The following IQCK variants were observed in gnomAD, a reference collection of about 807,000 sequenced individuals.
The protein encoded by IQCK is IQ motif containing K, also known as IQ domain-containing protein K.
IQCK carries 29 observed loss-of-function variants against 28.1 expected under a neutral mutation model. The ratio of observed to expected loss-of-function variants is 1.03; its 90% CI spans 0.77 to 1.41. The LOEUF is 1.41. IQCK is among the 40% of genes most tolerant of loss of function. The pLI is 0.00. For synonymous variants in IQCK, 113 were observed against 115.1 expected (o/e 0.98, Z 0.12); for missense variants, 359 against 314.7 (o/e 1.14, Z -1.07).
chr16:19,848,909 A>G (rs1447082930), intron 9 of IQCK, among the ~76,000 whole-genome samples: 2 of 152,118 alleles, frequency 1.3e-5, no homozygotes, highest in Non-Finnish European at 2.9e-5. Flanking sequence ...ACATTTCATA[A>G]TTATTTCTGT....
intron 6 of IQCK, among the ~76,000 whole-genome samples, chr16:19,776,143 A>G (rs984394699): frequency 6.6e-6 from 1 of 152,094 alleles, no homozygotes; most frequent in Non-Finnish European, 1.5e-5. Flanking sequence ...GGCCTCCCAA[A>G]GTGCTGGGAT....
At chr16:19,814,490 C>T (rs2055956517) in intron 7 of IQCK, among the ~76,000 whole-genome samples, 2 of 151,936 alleles carry the variant, frequency 1.3e-5, no homozygotes. Flanking sequence ...CAACAGAAAG[C>T]AGGATAGAAA....
intron 6 of IQCK, among the ~76,000 whole-genome samples, chr16:19,766,416 G>T (rs1567548998): frequency 6.6e-6 from 1 of 152,228 alleles, no homozygotes; most frequent in African/African-American, 2.4e-5. Context: ...CCCAGCTGGG[G>T]CAGCGGCCAA....
At chr16:19,852,254 G>A (rs922189941) in intron 9 of IQCK, among the ~76,000 whole-genome samples, 9 of 152,012 alleles carry the variant, frequency 5.9e-5, no homozygotes, top group East Asian at 5.8e-4. Context: ...TGAAATATGC[G>A]TACAACAGTG....
In IQCK at chr16:19,730,719, A is replaced by ATCTG. The variant is rs1293174151; in HGVS notation, c.246+228_246+229insGTCT. Among the ~76,000 whole-genome samples, 464 of 148,402 alleles carry ATCTG rather than the reference A, an allele frequency of 3.1e-3. 2 individuals carry two copies. Among genetic ancestry groups the ATCTG allele is most frequent in the African/African-American group, 0.011 (442 of 38,518 alleles). ...CATTAGTTTCGGCGTTTGTCTGTCT[A>ATCTG]TCTATCTGTCTGTCTGTCTGTCTGT... On this transcript the variant is annotated intron_variant, in intron 2 of 7. Transcript: ENST00000564186.
At chr16:19,841,085 C>T (rs1460671560) in intron 9 of IQCK, among the ~76,000 whole-genome samples, 4 of 152,218 alleles carry the variant, frequency 2.6e-5, no homozygotes, top group Non-Finnish European at 4.4e-5. Context: ...ATTCAACTCT[C>T]ATTATCTCTT....
At chr16:19,841,788 C>T (rs1035437545) in intron 9 of IQCK, among the ~76,000 whole-genome samples, 15 of 151,958 alleles carry the variant, frequency 9.9e-5, no homozygotes, top group African/African-American at 3.6e-4. Context: ...TATGCTTAGT[C>T]CAATGCCTCA....
At chr16:19,793,663 T>TTTTG (rs2055655599) in intron 7 of IQCK, among the ~76,000 whole-genome samples, 1 of 133,054 alleles carries the variant, frequency 7.5e-6, no homozygotes, top group African/African-American at 3.3e-5. Context: ...TTTTTTTTTT[T>TTTTG]TTTTTTTTTT....
intron 6 of IQCK, among the ~76,000 whole-genome samples, chr16:19,780,242 A>G (rs926644898): frequency 2.0e-5 from 3 of 151,574 alleles, no homozygotes; most frequent in Admixed American, 1.3e-4. Flanking sequence ...GGGTTTCACT[A>G]TGTTGGCCAG....
intron 4 of IQCK, among the ~76,000 whole-genome samples, chr16:19,738,943 G>A (rs1159187053): frequency 2.0e-5 from 3 of 152,132 alleles, no homozygotes; most frequent in Non-Finnish European, 2.9e-5. Context: ...CACTTATCAA[G>A]CAATACTTCG....
exon 1 of IQCK, chr16:19,718,351 G>A (rs1018976571): frequency 3.7e-6 from 6 of 1,610,334 alleles, no homozygotes; most frequent in Middle Eastern, 1.7e-4. Flanking sequence ...TGCGCCTCAA[G>A]CCCAGCTGCT....
intron 4 of IQCK, among the ~76,000 whole-genome samples, chr16:19,759,530 TG>T (rs35133545): frequency 6.6e-6 from 1 of 151,998 alleles, no homozygotes; most frequent in Non-Finnish European, 1.5e-5. Flanking sequence ...AGTTAAGCAC[TG>T]GGGATATAAA....
intron 4 of IQCK, among the ~76,000 whole-genome samples, chr16:19,744,493 G>A (rs2054880448): frequency 6.6e-6 from 1 of 152,068 alleles, no homozygotes; most frequent in South Asian, 2.1e-4. Flanking sequence ...TTAATAGGCA[G>A]GTATTTCCCT....
intron 1 of IQCK, among the ~76,000 whole-genome samples, chr16:19,718,688 A>T (rs1005943333): frequency 1.3e-5 from 2 of 152,212 alleles, no homozygotes; most frequent in African/African-American, 4.8e-5. Context: ...GCGGACTCCA[A>T]TCGCGATCCG....
At chr16:19,812,694 G>T (rs998471246) in intron 7 of IQCK, among the ~76,000 whole-genome samples, 3 of 152,042 alleles carry the variant, frequency 2.0e-5, no homozygotes, top group Non-Finnish European at 4.4e-5. Context: ...AAGAAAGGAG[G>T]GGAGTCAGTA....
chr16:19,816,416 G>A (rs1478898320), intron 7 of IQCK, among the ~76,000 whole-genome samples: 1 of 152,092 alleles, frequency 6.6e-6, no homozygotes, highest in African/African-American at 2.4e-5. Flanking sequence ...CAAGTAGCTG[G>A]GATTACAGGT....
chr16:19,758,303 A>T (rs1291089012), intron 4 of IQCK, among the ~76,000 whole-genome samples: 3 of 152,230 alleles, frequency 2.0e-5, no homozygotes, highest in Admixed American at 2.0e-4. Context: ...ACTGTTCCAC[A>T]TGTCTGGGTA....
At chr16:19,782,341 G>T (rs1436786291) in intron 6 of IQCK, among the ~76,000 whole-genome samples, 1 of 151,766 alleles carries the variant, frequency 6.6e-6, no homozygotes, top group Admixed American at 6.6e-5. Context: ...AGCCGAGATC[G>T]CACCATTGCA....
At chr16:19,855,423 T>C (rs1039151618) in intron 9 of IQCK, among the ~76,000 whole-genome samples, 10 of 152,136 alleles carry the variant, frequency 6.6e-5, no homozygotes, top group Non-Finnish European at 1.5e-4. Flanking sequence ...GAAACCCATC[T>C]CTACTAAAAA....
Sources: gnomAD v4.1 joint callset for allele counts (sites outside exome capture counted in the v4.1 genomes callset) on GRCh38, gnomAD v4.1.1 for gene constraint, MANE v1.5 for transcripts, NCBI Gene and HGNC (gene_info 2026-07-23, HGNC 2026-07-21) for gene names.